TMLHE: variants seen among roughly 807,000 people sequenced by gnomAD.
TMLHE encodes the protein trimethyllysine dioxygenase, mitochondrial.
A neutral mutation model predicts 25.7 loss-of-function variants in TMLHE; 18 were observed. The observed-to-expected ratio is 0.70, with a 90% CI of 0.48 to 1.04. TMLHE has a LOEUF of 1.04. TMLHE is among the 50% of genes least tolerant of loss of function. The pLI is 0.00. For missense variants in TMLHE, 236 were observed against 259.0 expected (o/e 0.91, Z 0.61); for synonymous variants, 105 against 97.0 (o/e 1.08, Z -0.49).
intron 6 of TMLHE, among the ~76,000 whole-genome samples, chrX:155,500,187 C>G (rs1557332239): frequency 1.9e-5 from 1 of 52,184 alleles, no homozygotes; most frequent in Non-Finnish European, 4.5e-5. Context: ...TCAGAGTGAA[C>G]AGGCAACCTA....
chrX:155,574,000 AAAAT>A (rs1223661790), intron 1 of TMLHE, among the ~76,000 whole-genome samples: 1 of 106,295 alleles, frequency 9.4e-6, no homozygotes, highest in Non-Finnish European at 1.9e-5. Flanking sequence ...AAAATAAAAT[AAAAT>A]AAAATAATAC....
rs1557334384 is a variant in TMLHE, at chrX:155,514,276, G to A, written c.359-11C>T. On this transcript the variant is annotated splice_polypyrimidine_tract_variant and intron_variant, in intron 3 of 7. Coordinates refer to ENST00000334398, the MANE Select transcript of TMLHE (RefSeq NM_018196.4). ...CATGACCATCTGGCCCTTTTAAGGG[G>A]AAAAATAAAAGGCACTATAATAATT... 1.7e-6 allele frequency: 2 copies of A among 1,183,961 alleles called. No homozygotes were observed. Among genetic ancestry groups the A allele is most frequent in the East Asian group, 6.0e-5 (2 of 33,470 alleles).
chrX:155,604,236 C>G (rs1225454791), intron 1 of TMLHE, among the ~76,000 whole-genome samples: 2 of 111,341 alleles, frequency 1.8e-5, no homozygotes, highest in African/African-American at 3.3e-5. Context: ...CCCTCTGAGA[C>G]TGCCACTGCA....
chrX:155,528,509 C>T (rs1466435146), intron 2 of TMLHE, among the ~76,000 whole-genome samples: 1 of 109,934 alleles, frequency 9.1e-6, no homozygotes, highest in Non-Finnish European at 1.9e-5. Context: ...TCTGAGTCTC[C>T]AGTGTCCATT....
intron 1 of TMLHE, among the ~76,000 whole-genome samples, chrX:155,586,218 C>T (rs1160335290): frequency 1.4e-5 from 1 of 73,440 alleles, no homozygotes; most frequent in Non-Finnish European, 2.9e-5. Flanking sequence ...AAGAGCAAAG[C>T]TCCGTCTCAA....
Position 155,585,739 on chromosome X carries a change from T to C in TMLHE, c.-2+27053A>G, listed in dbSNP as rs7061784. On this transcript the variant is annotated intron_variant, in intron 1 of 7. Transcript: ENST00000334398. ...TGGACCTAACAGATATTAAAGAAAA[T>C]TTCATCCAACAATTACAGAATGCAC... Among the ~76,000 whole-genome samples the C allele has an allele frequency of 6.9e-3, 767 of 111,141 alleles. 6 individuals are homozygous for C. Among genetic ancestry groups the C allele is most frequent in the African/African-American group, 0.024 (729 of 30,618 alleles).
At chrX:155,597,496 G>GT (rs1383552652) in intron 1 of TMLHE, among the ~76,000 whole-genome samples, 1 of 111,195 alleles carries the variant, frequency 9.0e-6, no homozygotes, top group Admixed American at 9.6e-5. Context: ...CCATTACTGG[G>GT]TATATACCCA....
At chrX:155,511,136 C>G (rs1164917540) in intron 5 of TMLHE, among the ~76,000 whole-genome samples, 1 of 111,638 alleles carries the variant, frequency 9.0e-6, no homozygotes, top group African/African-American at 3.3e-5. Context: ...GAATTGTAAT[C>G]TCCAGTGCTG....
At chrX:155,547,194 G>C (rs1438419688) in intron 1 of TMLHE, among the ~76,000 whole-genome samples, 1 of 98,733 alleles carries the variant, frequency 1.0e-5, no homozygotes, top group Admixed American at 1.1e-4. Context: ...GCCCAGGCTG[G>C]AGTGCAGTGG....
chrX:155,536,692 G>A (rs115164207), intron 2 of TMLHE, among the ~76,000 whole-genome samples: 281 of 112,050 alleles, frequency 2.5e-3, no homozygotes, highest in African/African-American at 8.6e-3. Flanking sequence ...ATTCAAGGCA[G>A]CTTCTTTGAA....
chrX:155,574,087 C>T (rs1405832249), intron 1 of TMLHE, among the ~76,000 whole-genome samples: 1 of 107,909 alleles, frequency 9.3e-6, no homozygotes, highest in African/African-American at 3.6e-5. Context: ...CAGTGGCAAG[C>T]AATCAAGGAA....
At chrX:155,550,577 T>C (rs1330597860) in intron 1 of TMLHE, among the ~76,000 whole-genome samples, 1 of 111,136 alleles carries the variant, frequency 9.0e-6, no homozygotes, top group Non-Finnish European at 1.9e-5. Flanking sequence ...CGCCCTTAAT[T>C]CAATGAAGCA....
At chrX:155,552,715 G>A (rs782536117) in intron 1 of TMLHE, among the ~76,000 whole-genome samples, 2 of 109,481 alleles carry the variant, frequency 1.8e-5, no homozygotes, top group African/African-American at 6.8e-5. Flanking sequence ...CTTTCTTACA[G>A]GAAATTCTGT....
intron 6 of TMLHE, among the ~76,000 whole-genome samples, chrX:155,506,181 TGGAA>T (rs2067074859): frequency 9.0e-6 from 1 of 110,819 alleles, no homozygotes; most frequent in Non-Finnish European, 1.9e-5. Flanking sequence ...GAAAAATTAA[TGGAA>T]GAGGGCTCAC....
rs1273189235 is a variant in TMLHE at position 155,513,861 on chromosome X, T to G, written c.638+125A>C. On this transcript the variant is annotated intron_variant, in intron 4 of 7. Coordinates refer to ENST00000334398, the MANE Select transcript of TMLHE (RefSeq NM_018196.4). ...TAAAGTACTGCAAGTGAGAGTCCCTTATTCATGCTACAAAATATTCTGGAT... is the reference window on the plus strand; with the variant it reads ...TAAAGTACTGCAAGTGAGAGTCCCTGATTCATGCTACAAAATATTCTGGAT... The G allele has an allele frequency of 4.3e-6, 3 of 693,335 alleles. No homozygotes were observed. The African/African-American group carries it at 6.6e-5, about 15-fold the overall frequency. The allele number at this position is 693,335 out of a possible 1,213,427, so 57.1% of individuals were successfully genotyped here.
At chrX:155,533,113 A>G (rs782466525) in intron 2 of TMLHE, among the ~76,000 whole-genome samples, 12 of 111,489 alleles carry the variant, frequency 1.1e-4, no homozygotes, top group Non-Finnish European at 2.3e-4. Flanking sequence ...GAATAATTCT[A>G]TCTGCCTGCT....
At chrX:155,556,994 C>T (rs2067461555) in intron 1 of TMLHE, among the ~76,000 whole-genome samples, 1 of 112,295 alleles carries the variant, frequency 8.9e-6, no homozygotes, top group Non-Finnish European at 1.9e-5. Flanking sequence ...CACCGGCAGT[C>T]AGAGTTTAAG....
At chrX:155,550,133 T>C (rs2067404973) in intron 1 of TMLHE, among the ~76,000 whole-genome samples, 1 of 110,775 alleles carries the variant, frequency 9.0e-6, no homozygotes, top group African/African-American at 3.3e-5. Context: ...TTGATGGGCA[T>C]TTCGGTTGTT....
intron 1 of TMLHE, among the ~76,000 whole-genome samples, chrX:155,601,787 A>T (rs1165488335): frequency 9.0e-6 from 1 of 111,195 alleles, no homozygotes; most frequent in Non-Finnish European, 1.9e-5. Context: ...AATAATGGAA[A>T]GACACACTTT....
Sources: gnomAD v4.1 joint callset for allele counts (sites outside exome capture counted in the v4.1 genomes callset) on GRCh38, gnomAD v4.1.1 for gene constraint, MANE v1.5 for transcripts, NCBI Gene and HGNC (gene_info 2026-07-23, HGNC 2026-07-21) for gene names.